The following GNAQ variants were observed in gnomAD, a reference collection of about 807,000 sequenced individuals.
GNAQ encodes the protein G protein subunit alpha q.
In GNAQ, 8 loss-of-function variants were observed where a neutral mutation model predicts 43.9. The observed-to-expected ratio is 0.18, with a 90% CI of 0.11 to 0.33. The LOEUF is 0.33. Among genes scored for constraint, GNAQ ranks in the 10% least tolerant of loss-of-function variants. The pLI is 1.00. For synonymous variants in GNAQ, 155 were observed against 170.7 expected (o/e 0.91, Z 0.71); for missense variants, 158 against 450.8 (o/e 0.35, Z 5.88).
intron 2 of GNAQ, among the ~76,000 whole-genome samples, chr9:77,845,368 A>G (rs923871884): frequency 1.3e-5 from 2 of 152,208 alleles, no homozygotes; most frequent in Non-Finnish European, 2.9e-5. Flanking sequence ...GTATTATTTC[A>G]TTATACACTT....
At chr9:77,950,718 C>T (rs1367170939) in intron 1 of GNAQ, among the ~76,000 whole-genome samples, 1 of 152,076 alleles carries the variant, frequency 6.6e-6, no homozygotes, top group Non-Finnish European at 1.5e-5. Context: ...ATGAAAGAAA[C>T]CAGTTAGTAT....
chr9:77,838,377 A>C (rs1485091048), intron 2 of GNAQ, among the ~76,000 whole-genome samples: 2 of 151,948 alleles, frequency 1.3e-5, no homozygotes, highest in Non-Finnish European at 2.9e-5. Flanking sequence ...TCCCGACCTC[A>C]GGTGATCCGC....
chr9:77,739,363 GA>G (rs578185071), intron 5 of GNAQ, among the ~76,000 whole-genome samples: 137 of 152,250 alleles, frequency 9.0e-4, no homozygotes, highest in African/African-American at 3.1e-3. Flanking sequence ...TTTTGTCCAT[GA>G]AAATCAGTCT....
intron 2 of GNAQ, among the ~76,000 whole-genome samples, chr9:77,831,595 CT>C (rs1827298218): frequency 6.6e-6 from 1 of 152,188 alleles, no homozygotes; most frequent in Admixed American, 6.5e-5. Flanking sequence ...ATGACATACG[CT>C]TTCAATGTGA....
chr9:77,799,805 C>T (rs1826714343), intron 3 of GNAQ, among the ~76,000 whole-genome samples: 1 of 152,174 alleles, frequency 6.6e-6, no homozygotes, highest in Non-Finnish European at 1.5e-5. Context: ...GGGGCCTTAT[C>T]CCTGATACAT....
At chr9:77,785,748 T>A (rs1564110063) in intron 5 of GNAQ, among the ~76,000 whole-genome samples, 1 of 152,126 alleles carries the variant, frequency 6.6e-6, no homozygotes, top group Non-Finnish European at 1.5e-5. Flanking sequence ...AATCATTCAA[T>A]TAGATAGTTT....
chr9:78,020,715 G>A (rs922877816), intron 1 of GNAQ, among the ~76,000 whole-genome samples: 6 of 152,108 alleles, frequency 3.9e-5, no homozygotes, highest in Admixed American at 2.0e-4. Context: ...ACACAATGGC[G>A]CTACCCCTAT....
Position 77,719,191 on chromosome 9 carries a change from C to T in GNAQ, c.*2132G>A. On this transcript the variant is annotated 3_prime_UTR_variant, in exon 7 of 7. Coordinates refer to ENST00000286548, the MANE Select transcript of GNAQ (RefSeq NM_002072.5). ...AAATAAACTGACAAATTTACATTCT[C>T]CTCTCTTAAAAAAGTAAATAAAATA... 2 of 231,038 alleles carry T rather than the reference C, an allele frequency of 8.7e-6. No individual in the cohort carries two copies. Among genetic ancestry groups the T allele is most frequent in the East Asian group, 1.2e-4 (2 of 16,250 alleles). 14.3% of individuals were successfully genotyped at this position (231,038 alleles called of 1,614,324 possible). A position where few individuals can be genotyped will look rare whatever the true frequency, so the allele number is the denominator to read the frequency against.
chr9:77,862,011 A>AGG lies in GNAQ; in HGVS notation c.322-46242_322-46241insCC, dbSNP rs1564133293. ...CAGAGCAAGACTCTGTCTGGGGTAAAAAAAAAAAAAAAAAAAAAAAGAGGT... is the reference window on the plus strand; with the variant it reads ...CAGAGCAAGACTCTGTCTGGGGTAAAGGAAAAAAAAAAAAAAAAAAAAGAGGT... On this transcript the variant is annotated intron_variant, in intron 2 of 6. Coordinates refer to ENST00000286548, the MANE Select transcript of GNAQ (RefSeq NM_002072.5). Among the ~76,000 whole-genome samples, 37 of 143,770 alleles carry AGG rather than the reference A, an allele frequency of 2.6e-4. 1 individual carries two copies. Among genetic ancestry groups the AGG allele is most frequent in the Non-Finnish European group, 1.4e-4 (9 of 65,336 alleles). 94.3% of individuals were successfully genotyped at this position (143,770 alleles called of 152,430 possible).
At chr9:77,837,653 T>C (rs1205346938) in intron 2 of GNAQ, among the ~76,000 whole-genome samples, 2 of 99,198 alleles carry the variant, frequency 2.0e-5, no homozygotes, top group African/African-American at 5.3e-5. Flanking sequence ...ATAAAATTAT[T>C]CTAAAAAAAA....
chr9:77,730,913 GTTAA>G (rs1332453925), intron 5 of GNAQ, among the ~76,000 whole-genome samples: 2 of 152,122 alleles, frequency 1.3e-5, no homozygotes, highest in African/African-American at 2.4e-5. Context: ...TTTAAAGAAA[GTTAA>G]TTAGATAGTG....
chr9:77,807,368 G>A (rs916040273), intron 3 of GNAQ, among the ~76,000 whole-genome samples: 7 of 152,162 alleles, frequency 4.6e-5, no homozygotes, highest in Non-Finnish European at 4.4e-5. Context: ...TCAATTGATT[G>A]CTAAATCCTA....
intron 5 of GNAQ, among the ~76,000 whole-genome samples, chr9:77,772,880 C>T (rs116953099): frequency 2.0e-5 from 3 of 152,258 alleles, no homozygotes; most frequent in East Asian, 3.9e-4. Flanking sequence ...ATGTAAAATA[C>T]GCTAATGCTA....
At chr9:77,894,758 A>C (rs1001429942) in intron 2 of GNAQ, among the ~76,000 whole-genome samples, 15 of 151,918 alleles carry the variant, frequency 9.9e-5, no homozygotes, top group Admixed American at 6.6e-5. Flanking sequence ...CTTGTGATAA[A>C]ATGGTGAGAA....
At chr9:77,987,813 T>C (rs1823460582) in intron 1 of GNAQ, among the ~76,000 whole-genome samples, 1 of 152,096 alleles carries the variant, frequency 6.6e-6, no homozygotes, top group Non-Finnish European at 1.5e-5. Flanking sequence ...GGAGGATCAC[T>C]TAAGCCCAGA....
intron 1 of GNAQ, among the ~76,000 whole-genome samples, chr9:78,004,895 A>AACTT (rs1564175942): frequency 6.6e-6 from 1 of 151,636 alleles, no homozygotes; most frequent in South Asian, 2.1e-4. Context: ...TAGTGTCCTC[A>AACTT]TTTGGCTAAA....
At chr9:77,815,921 TG>T in intron 2 of GNAQ, 151 bp from the exon 3 acceptor site, 1 of 552,572 alleles carries the variant, frequency 1.8e-6, no homozygotes, top group South Asian at 2.9e-5. Flanking sequence ...TCATATTTTT[TG>T]TTTTTCTTAG....
At chr9:77,762,514 G>A (rs1826059488) in intron 5 of GNAQ, among the ~76,000 whole-genome samples, 1 of 149,604 alleles carries the variant, frequency 6.7e-6, no homozygotes, top group Non-Finnish European at 1.5e-5. Flanking sequence ...CCCCACCTGG[G>A]AGGTGAGGGG....
intron 3 of GNAQ, among the ~76,000 whole-genome samples, chr9:77,802,033 G>T (rs1387174941): frequency 1.3e-5 from 2 of 152,116 alleles, no homozygotes; most frequent in African/African-American, 4.8e-5. Context: ...TGGGTGTGGT[G>T]ATGCATACCT....
Sources: gnomAD v4.1 joint callset for allele counts (sites outside exome capture counted in the v4.1 genomes callset) on GRCh38, gnomAD v4.1.1 for gene constraint, MANE v1.5 for transcripts, NCBI Gene and HGNC (gene_info 2026-07-23, HGNC 2026-07-21) for gene names.